The following FAM83E variants were observed in gnomAD, a reference collection of about 807,000 sequenced individuals.
FAM83E encodes protein FAM83E.
In FAM83E, 29 loss-of-function variants were observed where a neutral mutation model predicts 34.3. The ratio of observed to expected loss-of-function variants is 0.85; its 90% CI spans 0.63 to 1.15. FAM83E has a LOEUF of 1.15. Ranked by LOEUF, FAM83E falls within the 50% of genes most tolerant of loss-of-function variation. The pLI is 0.00. For missense variants in FAM83E, 697 were observed against 685.0 expected, an observed-to-expected ratio of 1.02 and a Z score of -0.20; for synonymous variants, 312 against 311.6, an observed-to-expected ratio of 1.00 and a Z score of -0.01.
chr19:48,613,264 C>A lies in FAM83E; in HGVS notation c.109G>T (p.Ala37Ser). Residue 37 changes from alanine (A) to serine (S), a missense_variant, in exon 3 of 7, where the codon GCT becomes TCT. Transcript: ENST00000263266. ...GCCTCCGCGCCCTTGCTCAACAGAGCCTCCAGTGCCAGCCGCTGGCCCTCG... is the reference window on the plus strand; with the variant it reads ...GCCTCCGCGCCCTTGCTCAACAGAGACTCCAGTGCCAGCCGCTGGCCCTCG... ...YSEGQRLALE[A>S]LLSKGAEAFQ... The A allele has an allele frequency of 6.2e-7, 1 of 1,609,834 alleles. No homozygotes were observed. The highest frequency in any genetic ancestry group is 8.5e-7 in the Non-Finnish European group (1 of 1,179,776).
Position 48,613,111 on chromosome 19 carries a change from C to T in FAM83E, c.262G>A (p.Ala88Thr), listed in dbSNP as rs1974077337. The change falls in exon 3 of 7, where the codon GCC (alanine) becomes ACC (threonine). Residue 88 changes from alanine (A) to threonine (T), a missense_variant. Physicochemically the swap from Ala to Thr is moderately conservative, Grantham distance 58. Transcript: ENST00000263266. ...KQEPSGMAEGATTTDVDAGSL... is the reference protein window; with the variant it reads ...KQEPSGMAEGTTTTDVDAGSL... ...CCCGCGTCCACATCGGTGGTGGTGG[C>T]TCCCTCTGCCATCCCGCTGGGCTCC... The T allele has an allele frequency of 1.2e-6, 2 of 1,610,804 alleles. No individual in the cohort carries two copies. Among genetic ancestry groups the T allele is most frequent in the Non-Finnish European group, 8.5e-7 (1 of 1,179,338 alleles).
chr19:48,612,925 T>C lies in FAM83E; in HGVS notation c.448A>G (p.Ile150Val), dbSNP rs755642914. 1.2e-5 allele frequency: 18 copies of C among 1,558,236 alleles called. No individual in the cohort carries two copies. The highest frequency in any genetic ancestry group is 1.3e-5 in the Non-Finnish European group (15 of 1,148,940). ...ACACCCACCTTGTGGGCAGCCTGGA[T>C]CTCCAGCCGCACCAGCTCCTTGAGG... The part of the protein sequence containing the change: ...PPLKELVRLE[I>V]QAAHKLVAVV... The change falls in exon 3 of 7, where the codon ATC becomes GTC. Residue 150 changes from isoleucine (I) to valine (V), a missense_variant. By Grantham distance (29) the Ile-to-Val change is conservative. Coordinates refer to ENST00000263266, the MANE Select transcript of FAM83E (RefSeq NM_017708.4).
At position 48,603,690 on chromosome 19, in the gene FAM83E, G is replaced by GGCGGAGGCGACGCGGGGGCC; in HGVS notation, c.960_979dup (p.Pro327ArgfsTer35). 1 of 1,322,532 alleles carries GGCGGAGGCGACGCGGGGGCC rather than the reference G, an allele frequency of 7.6e-7. No individual in the cohort carries two copies. Among genetic ancestry groups the GGCGGAGGCGACGCGGGGGCC allele is most frequent in the Middle Eastern group, 2.9e-4 (1 of 3,494 alleles). The allele number at this position is 1,322,532 out of a possible 1,614,324, so 81.9% of individuals were successfully genotyped here. ...GCGGTGGGCCAGCGGGCCGTCAGGCGGCGGAGGCGACGCGGGGGCCACGGA... is the reference window on the plus strand; with the variant it reads ...GCGGTGGGCCAGCGGGCCGTCAGGCGGCGGAGGCGACGCGGGGGCCGCGGAGGCGACGCGGGGGCCACGGA... On this transcript the variant is annotated frameshift_variant, in exon 6 of 7. Transcript: ENST00000263266. LOFTEE classifies it high-confidence loss of function.
At chr19:48,611,857 A>G (rs1028710503) in intron 3 of FAM83E, among the ~76,000 whole-genome samples, 1 of 152,170 alleles carries the variant, frequency 6.6e-6, no homozygotes, top group East Asian at 1.9e-4. Context: ...CTGTAGGATC[A>G]GTGGTGGATG....
chr19:48,602,493 G>A (rs945092155), intron 6 of FAM83E, among the ~76,000 whole-genome samples: 6 of 150,580 alleles, frequency 4.0e-5, no homozygotes, highest in East Asian at 3.9e-4. Context: ...AACCGGAAGC[G>A]CCGGCATCTG....
Position 48,609,869 on chromosome 19 carries a change from G to T in FAM83E, c.758+7C>A. On this transcript the variant is annotated splice_region_variant and intron_variant, in intron 5 of 6. Transcript: ENST00000263266. ...CCGGGAGGTGGGGGGCGGGGCGGGGGCTACACCTGTAGGATCCTGAGATGA... is the reference window on the plus strand; with the variant it reads ...CCGGGAGGTGGGGGGCGGGGCGGGGTCTACACCTGTAGGATCCTGAGATGA... 1.2e-6 allele frequency: 2 copies of T among 1,611,982 alleles called. No homozygotes were observed. The highest frequency in any genetic ancestry group is 8.5e-7 in the Non-Finnish European group (1 of 1,179,708).
rs62130310 is a variant in FAM83E, at chr19:48,600,881, G to T, written c.*228C>A. ...TTGCCCAGGCTGGTCTCCAACTCCT[G>T]GCCTTAAGCAACCCTCCCACCTTAG... On this transcript the variant is annotated 3_prime_UTR_variant, in exon 7 of 7. Coordinates refer to ENST00000263266, the MANE Select transcript of FAM83E (RefSeq NM_017708.4). The T allele has an allele frequency of 4.6e-6, 4 of 872,366 alleles. No homozygotes were observed. Among genetic ancestry groups the T allele is most frequent in the Middle Eastern group, 3.9e-4 (1 of 2,546 alleles). 54.0% of individuals were successfully genotyped at this position (872,366 alleles called of 1,614,324 possible).
At chr19:48,604,457 A>C (rs924636351) in intron 5 of FAM83E, among the ~76,000 whole-genome samples, 1 of 148,922 alleles carries the variant, frequency 6.7e-6, no homozygotes, top group Non-Finnish European at 1.5e-5. Context: ...CAGCCTCCTG[A>C]GTAGTTGGGA....
At chr19:48,607,353 A>G (rs1287059968) in intron 5 of FAM83E, 7 of 1,582,462 alleles carry the variant, frequency 4.4e-6, no homozygotes, top group Middle Eastern at 1.7e-4. Flanking sequence ...GTTTGCTGTG[A>G]CCAACAGGGA....
Position 48,613,381 on chromosome 19 carries a change from C to T in FAM83E, c.-9G>A. ...AGCTGGGAGGCCGCCATCGGGGTCA[C>T]TCGGGTGGGAGGACTGACTGTGAGA... On this transcript the variant is annotated 5_prime_UTR_variant, in exon 3 of 7. It adds an upstream start codon to the 5' untranslated region. Transcript: ENST00000263266. 1.3e-6 allele frequency: 2 copies of T among 1,537,070 alleles called. No individual in the cohort carries two copies. Among genetic ancestry groups the T allele is most frequent in the Non-Finnish European group, 1.8e-6 (2 of 1,142,792 alleles).
chr19:48,612,407 T>G (rs1974056739), intron 3 of FAM83E, among the ~76,000 whole-genome samples: 1 of 136,768 alleles, frequency 7.3e-6, no homozygotes, highest in Admixed American at 7.1e-5. Context: ...CATTTCTTTC[T>G]TTTTTTTTTT....
intron 6 of FAM83E, among the ~76,000 whole-genome samples, chr19:48,602,825 TTTA>T (rs201384936): frequency 0.23 from 25,967 of 113,606 alleles, 3,178 homozygotes; most frequent in East Asian, 0.34. Context: ...TTATTTATTG[TTTA>T]TTATTATTAT....
At chr19:48,606,005 T>C (rs1973922044) in intron 5 of FAM83E, among the ~76,000 whole-genome samples, 1 of 151,926 alleles carries the variant, frequency 6.6e-6, no homozygotes, top group African/African-American at 2.4e-5. Flanking sequence ...TCACAGTAGT[T>C]GTTATTGAAA....
At chr19:48,611,890 C>G (rs965849407) in intron 3 of FAM83E, among the ~76,000 whole-genome samples, 3 of 152,182 alleles carry the variant, frequency 2.0e-5, no homozygotes, top group Non-Finnish European at 4.4e-5. Flanking sequence ...CTGTGGGCAA[C>G]TGCATTTCTG....
intron 5 of FAM83E, chr19:48,607,417 C>T: frequency 5.3e-6 from 8 of 1,499,232 alleles, no homozygotes; most frequent in Non-Finnish European, 6.3e-6. Context: ...GTCCCCATGT[C>T]CTTCCCCCAC....
At chr19:48,608,455 TA>T (rs373124883) in intron 5 of FAM83E, among the ~76,000 whole-genome samples, 84 of 140,492 alleles carry the variant, frequency 6.0e-4, no homozygotes, top group African/African-American at 1.3e-3. Flanking sequence ...TTTTTTTTTT[TA>T]TTTTTTGAGA....
intron 5 of FAM83E, chr19:48,607,439 A>G: frequency 6.8e-7 from 1 of 1,474,946 alleles, no homozygotes; most frequent in East Asian, 2.5e-5. Context: ...AAATGGCCAG[A>G]GAGGCCCTGG....
At position 48,600,080 on chromosome 19, in the gene FAM83E, T is replaced by A. The variant is rs564262836; in HGVS notation, c.*1029A>T. Among the ~76,000 whole-genome samples, 188 of 152,208 alleles carry A rather than the reference T, an allele frequency of 1.2e-3. 1 individual carries two copies. The highest frequency in any genetic ancestry group is 4.1e-3 in the African/African-American group (170 of 41,568). ...CCTGTTCCCCTGTGGCTGTACCACATTCCACTCCCTCAGTATTCAGCTCCT... is the reference window on the plus strand; with the variant it reads ...CCTGTTCCCCTGTGGCTGTACCACAATCCACTCCCTCAGTATTCAGCTCCT... On this transcript the variant is annotated 3_prime_UTR_variant, in exon 7 of 7. Transcript: ENST00000263266.
Position 48,600,086 on chromosome 19 carries a change from TC to T in FAM83E, c.*1022del, listed in dbSNP as rs529590709. ...CCCCTGTGGCTGTACCACATTCCAC[TC>T]CCTCAGTATTCAGCTCCTTGCCTCA... On this transcript the variant is annotated 3_prime_UTR_variant, in exon 7 of 7. Transcript: ENST00000263266. Among the ~76,000 whole-genome samples the T allele has an allele frequency of 4.2e-3, 641 of 152,182 alleles. 5 individuals carry two copies. The highest frequency in any genetic ancestry group is 0.027 in the Admixed American group (407 of 15,288).
Sources: gnomAD v4.1 joint callset for allele counts (sites outside exome capture counted in the v4.1 genomes callset) on GRCh38, gnomAD v4.1.1 for gene constraint, MANE v1.5 for transcripts, NCBI Gene and HGNC (gene_info 2026-07-23, HGNC 2026-07-21) for gene names.